The following OGA variants were observed in gnomAD, a reference collection of about 807,000 sequenced individuals.
The protein encoded by OGA is O-GlcNAcase, also known as protein O-GlcNAcase.
OGA carries 21 observed loss-of-function variants against 102.0 expected under a neutral mutation model. That is an observed-to-expected ratio of 0.21 (90% confidence interval 0.15 to 0.30). The LOEUF is 0.30. Ranked by LOEUF, OGA falls within the 10% of genes least tolerant of loss-of-function variation. The pLI, the probability that OGA is intolerant of heterozygous loss-of-function variation, is 1.00. For synonymous variants in OGA, 408 were observed against 378.2 expected (o/e 1.08, Z -0.91); for missense variants, 765 against 1,107.8 (o/e 0.69, Z 4.39).
intron 6 of OGA, among the ~76,000 whole-genome samples, chr10:101,804,948 T>G (rs1589834747): frequency 6.6e-6 from 1 of 152,202 alleles, no homozygotes; most frequent in Non-Finnish European, 1.5e-5. Context: ...TTTATTTTTT[T>G]CGTTTTATAA....
At chr10:101,812,857 C>T in intron 3 of OGA, 173 bp downstream of exon 3, 1 of 682,132 alleles carries the variant, frequency 1.5e-6, no homozygotes, top group South Asian at 1.5e-5. Flanking sequence ...CATGACCTTG[C>T]TAGCGCAGAG....
chr10:101,813,469 G>T, intron 2 of OGA, 86 bp downstream of exon 2: 1 of 844,654 alleles, frequency 1.2e-6, no homozygotes, highest in South Asian at 1.8e-5. Flanking sequence ...ATGCACCTGG[G>T]CTATTCACTG....
chr10:101,816,455 C>T (rs182611801), intron 1 of OGA, among the ~76,000 whole-genome samples: 155 of 152,260 alleles, frequency 1.0e-3, no homozygotes, highest in Non-Finnish European at 2.0e-3. Flanking sequence ...GAGTTTTCTC[C>T]TTTTATAACT....
rs1462960008 is a variant in OGA, at chr10:101,791,358, C to G, written c.2257G>C (p.Asp753His). ...ATCCAAATACTTATCACATACTTGTCTCCAATAAGATCAGGCTGACTTTGA... is the reference window on the plus strand; with the variant it reads ...ATCCAAATACTTATCACATACTTGTGTCCAATAAGATCAGGCTGACTTTGA... Reference protein sequence around the residue: ...PFQSQPDLIGDKLVGGLLSLS... With the variant: ...PFQSQPDLIGHKLVGGLLSLS... Residue 753 changes from aspartate to histidine, a missense_variant, in exon 13 of 16, where the codon GAC (aspartate) becomes CAC (histidine). Physicochemically the swap from Asp to His is moderately conservative, Grantham distance 81 (BLOSUM62 -1). This residue lies in a region of OGA where 146 missense variants were observed against 269.7 expected (regional missense o/e 0.54). Coordinates refer to ENST00000361464, the MANE Select transcript of OGA (RefSeq NM_012215.5). 6.2e-7 allele frequency: 1 copy of G among 1,611,622 alleles called. No homozygotes were observed. Among genetic ancestry groups the G allele is most frequent in the Non-Finnish European group, 8.5e-7 (1 of 1,177,860 alleles).
Position 101,799,250 on chromosome 10 carries a change from C to G in OGA, c.1401G>C (p.Met467Ile), listed in dbSNP as rs754848342. 7.4e-6 allele frequency: 12 copies of G among 1,614,016 alleles called. No homozygotes were observed. The highest frequency in any genetic ancestry group is 2.7e-5 in the African/African-American group (2 of 74,896). ...CCGTTTCTTCTTGTTTTTCCACCAC[C>G]ATGTCCATGGGTTCTTCATCAGGCT... ...KKQPDEEPMD[M>I]VVEKQEETDH... Residue 467 changes from methionine to isoleucine, a missense_variant, in exon 9 of 16, where the codon ATG (methionine) becomes ATC (isoleucine). Met to Ile is a conservative substitution (Grantham distance 10). This residue lies in a region of OGA where 281 missense variants were observed against 345.8 expected (regional missense o/e 0.81). Transcript: ENST00000361464.
chr10:101,806,906 T>A (rs969926874), intron 5 of OGA, among the ~76,000 whole-genome samples: 1 of 152,160 alleles, frequency 6.6e-6, no homozygotes, highest in Non-Finnish European at 1.5e-5. Context: ...AAACCCCGTC[T>A]CTACCAAAAA....
rs139245365 is a variant in OGA at position 101,798,983 on chromosome 10, C to T, written c.1668G>A (p.Glu556=). ...PLYTAEPVTL[E]DLQLLADLFY... Reference sequence around the variant, plus strand: ...ATAGATCAGCAAGTAACTGCAAATCCTCCAGGGTCACTGGTTCCGCAGTGT... The same window carrying T: ...ATAGATCAGCAAGTAACTGCAAATCTTCCAGGGTCACTGGTTCCGCAGTGT... Residue 556 remains glutamate (E), a synonymous_variant, in exon 9 of 16, where the codon GAG becomes GAA. Transcript: ENST00000361464. 34 of 1,614,234 alleles carry T rather than the reference C, an allele frequency of 2.1e-5. No homozygotes were observed. The highest frequency in any genetic ancestry group is 2.8e-5 in the Non-Finnish European group (33 of 1,180,050).
rs770454446 is a variant in OGA at position 101,812,981 on chromosome 10, C to T, written c.349+49G>A. 11 of 1,328,382 alleles carry T rather than the reference C, an allele frequency of 8.3e-6. No individual in the cohort carries two copies. In the Admixed American group the frequency reaches 1.9e-4, roughly 23 times the overall value. The allele number at this position is 1,328,382 out of a possible 1,614,324, so 82.3% of individuals were successfully genotyped here. The stretch of plus-strand genomic sequence containing the variant: ...TTGTACAACTACATTTAAAATATAA[C>T]CGTTTTCTTCACAGATTTTGAATTT... On this transcript the variant is annotated intron_variant, in intron 3 of 15. Coordinates refer to ENST00000361464, the MANE Select transcript of OGA (RefSeq NM_012215.5).
At chr10:101,793,072 A>T in intron 11 of OGA, 129 bp from the exon 12 acceptor site, 1 of 605,822 alleles carries the variant, frequency 1.7e-6, no homozygotes, top group South Asian at 2.2e-5. Context: ...AGAGGGGTGT[A>T]CTATGCTTTA....
intron 11 of OGA, 162 bp downstream of exon 11, chr10:101,793,751 A>G (rs1382866503): frequency 1.8e-6 from 1 of 567,456 alleles, no homozygotes; most frequent in Non-Finnish European, 3.1e-6. Context: ...ATTACTGTGA[A>G]AGAGGAGGAA....
chr10:101,786,657 T>TA, intron 15 of OGA, 70 bp from the exon 16 acceptor site: 1 of 1,265,836 alleles, frequency 7.9e-7, no homozygotes, highest in Non-Finnish European at 1.0e-6. Flanking sequence ...TATAAAACTA[T>TA]AATCTTCGAG....
chr10:101,794,071 C>A, intron 10 of OGA, 73 bp from the exon 11 acceptor site: 1 of 996,940 alleles, frequency 1.0e-6, no homozygotes, highest in Non-Finnish European at 1.6e-6. Flanking sequence ...GTCCAACAAA[C>A]TGACAAACAC....
chr10:101,798,575 G>A (rs180911661), intron 9 of OGA, among the ~76,000 whole-genome samples: 477 of 152,004 alleles, frequency 3.1e-3, no homozygotes, highest in Non-Finnish European at 4.0e-3. Context: ...CACCATGCCC[G>A]GCTAATTTTT....
intron 1 of OGA, among the ~76,000 whole-genome samples, chr10:101,814,939 A>G (rs1008157043): frequency 3.3e-5 from 5 of 152,214 alleles, no homozygotes; most frequent in Admixed American, 6.5e-5. Context: ...TCACAGCTCA[A>G]ACCACACACT....
rs1210198848 is a variant in OGA, at chr10:101,784,459, A to G, written c.*1992T>C. The G allele has an allele frequency of 6.5e-6, 1 of 152,682 alleles. No homozygotes were observed. Among genetic ancestry groups the G allele is most frequent in the African/African-American group, 2.4e-5 (1 of 41,460 alleles). 9.5% of individuals were successfully genotyped at this position (152,682 alleles called of 1,614,324 possible). A position where few individuals can be genotyped will look rare whatever the true frequency, so the allele number is the denominator to read the frequency against. ...TACAACACGACAAGCATTCACTTCA[A>G]GTTTTATTTTGCCTCTTGCATGGTC... is the stretch of plus-strand genomic sequence containing the variant. On this transcript the variant is annotated 3_prime_UTR_variant, in exon 16 of 16. Transcript: ENST00000361464.
chr10:101,787,319 C>T, intron 15 of OGA, 45 bp downstream of exon 15: 1 of 1,519,140 alleles, frequency 6.6e-7, no homozygotes, highest in Non-Finnish European at 8.9e-7. Context: ...ATAGTTCTTT[C>T]CCTATCTTGC....
chr10:101,799,081 T>TG lies in OGA; in HGVS notation c.1569dup (p.Ile524HisfsTer7). On this transcript the variant is annotated frameshift_variant, in exon 9 of 16. Transcript: ENST00000361464. LOFTEE classifies it high-confidence loss of function. ...TGTTCATCAGTTTGCATGGGGGCAA[T>TG]GTCACTAATACAATCTTCTTGCATG... 6.2e-7 allele frequency: 1 copy of TG among 1,614,242 alleles called. No individual in the cohort carries two copies. Among genetic ancestry groups the TG allele is most frequent in the Non-Finnish European group, 8.5e-7 (1 of 1,180,042 alleles).
intron 5 of OGA, among the ~76,000 whole-genome samples, chr10:101,806,424 G>A (rs1192311956): frequency 6.6e-6 from 1 of 152,076 alleles, no homozygotes; most frequent in African/African-American, 2.4e-5. Flanking sequence ...CAGGTTGGTC[G>A]CAAACTCCTG....
At chr10:101,815,438 C>T (rs2065609206) in intron 1 of OGA, among the ~76,000 whole-genome samples, 1 of 152,140 alleles carries the variant, frequency 6.6e-6, no homozygotes, top group Non-Finnish European at 1.5e-5. Flanking sequence ...GAGCCCGCCA[C>T]CACGCCCGGC....
Sources: allele counts gnomAD v4.1 joint callset (sites outside exome capture counted in the v4.1 genomes callset), GRCh38; gene constraint gnomAD v4.1.1; regional missense constraint gnomAD v4.1.1; transcripts MANE v1.5; gene names NCBI Gene and HGNC (gene_info 2026-07-23, HGNC 2026-07-21).